Variants in SNAP23 observed in about 807,000 individuals in gnomAD.
SNAP23 encodes synaptosome associated protein 23.
In SNAP23, 11 loss-of-function variants were observed where a neutral mutation model predicts 29.0. The observed-to-expected ratio is 0.38, with a 90% confidence interval of 0.24 to 0.63. SNAP23 has a LOEUF of 0.63. Ranked by LOEUF, SNAP23 falls within the 20% of genes least tolerant of loss-of-function variation. The pLI is 0.58. For missense variants in SNAP23, 220 were observed against 253.9 expected (o/e 0.87, Z 0.91); for synonymous variants, 60 against 82.9 (o/e 0.72, Z 1.50).
At chr15:42,519,703 A>G (rs1305163527) in intron 5 of SNAP23, among the ~76,000 whole-genome samples, 3 of 152,156 alleles carry the variant, frequency 2.0e-5, no homozygotes, top group African/African-American at 7.2e-5. Context: ...AGTTCTCACT[A>G]TGTTGCTCAG....
intron 1 of SNAP23, among the ~76,000 whole-genome samples, chr15:42,501,788 T>C: frequency 6.6e-6 from 1 of 152,150 alleles, no homozygotes; most frequent in Non-Finnish European, 1.5e-5. Flanking sequence ...CAGGCACTGC[T>C]CTAAATACTG....
chr15:42,493,021 G>A (rs140418460), upstream of SNAP23: 38 of 152,234 alleles, frequency 2.5e-4, no homozygotes, highest in African/African-American at 8.9e-4. Context: ...ATACTTTTTT[G>A]TCAGGGGTAT....
At chr15:42,492,356 T>A (rs2057174932), upstream of SNAP23, among the ~76,000 whole-genome samples, 1 of 152,144 alleles carries the variant, frequency 6.6e-6, no homozygotes, top group Non-Finnish European at 1.5e-5. Flanking sequence ...ATAACATCTC[T>A]GTTTAACAAG....
chr15:42,495,752 A>T (rs1174772372), intron 1 of SNAP23, 39 bp downstream of exon 1: 2 of 152,640 alleles, frequency 1.3e-5, no homozygotes, highest in Non-Finnish European at 2.9e-5. Flanking sequence ...GCTGGCCGGG[A>T]TGAAGTCTGA....
intron 1 of SNAP23, among the ~76,000 whole-genome samples, chr15:42,504,611 T>C (rs2057302770): frequency 6.6e-6 from 1 of 152,324 alleles, no homozygotes; most frequent in East Asian, 1.9e-4. Flanking sequence ...ACACCGGCCA[T>C]GTGCAAGGCA....
chr15:42,491,619 GATA>G (rs1177946850), upstream of SNAP23: 1 of 152,228 alleles, frequency 6.6e-6, no homozygotes, highest in Non-Finnish European at 1.5e-5. Context: ...TTAAAATTAG[GATA>G]ATGTTATCTC....
intron 5 of SNAP23, among the ~76,000 whole-genome samples, chr15:42,517,985 T>C (rs2057411138): frequency 6.6e-6 from 1 of 151,974 alleles, no homozygotes; most frequent in Non-Finnish European, 1.5e-5. Context: ...AGCACTGGGA[T>C]TACAGGCTTA....
At chr15:42,502,498 A>G (rs1367343257) in intron 1 of SNAP23, among the ~76,000 whole-genome samples, 2 of 152,122 alleles carry the variant, frequency 1.3e-5, no homozygotes, top group African/African-American at 4.8e-5. Context: ...TGGGCAACAT[A>G]GTGAGCCACC....
intron 1 of SNAP23, among the ~76,000 whole-genome samples, chr15:42,506,910 C>G (rs188861439): frequency 9.2e-4 from 140 of 152,046 alleles, no homozygotes; most frequent in African/African-American, 3.3e-3. Context: ...CCTCTGCCTC[C>G]CAGGTTCAAG....
chr15:42,495,270 A>G (rs2057206881), upstream of SNAP23: 1 of 152,118 alleles, frequency 6.6e-6, no homozygotes, highest in African/African-American at 2.4e-5. Context: ...AGGCGCCTCA[A>G]ATTTTCTATG....
chr15:42,529,511 T>G (rs1722954799), intron 6 of SNAP23, among the ~76,000 whole-genome samples, 164 bp from the exon 7 acceptor site: 1 of 152,214 alleles, frequency 6.6e-6, no homozygotes, highest in African/African-American at 2.4e-5. Flanking sequence ...TTGATGAGTC[T>G]CCCAGTTTTT....
At chr15:42,529,596 CT>C (rs1432545484) in intron 6 of SNAP23, 78 bp from the exon 7 acceptor site, 21 of 1,462,432 alleles carry the variant, frequency 1.4e-5, no homozygotes, top group Non-Finnish European at 1.8e-5. Flanking sequence ...ATTTTGGTTA[CT>C]TACTTTTGTG....
chr15:42,494,812 C>T (rs1335247763), upstream of SNAP23, among the ~76,000 whole-genome samples: 2 of 152,116 alleles, frequency 1.3e-5, no homozygotes, highest in African/African-American at 4.8e-5. Flanking sequence ...AGCCACTGTG[C>T]CTGGTGAAGC....
chr15:42,517,770 G>A (rs527943518), intron 5 of SNAP23, among the ~76,000 whole-genome samples: 17 of 152,236 alleles, frequency 1.1e-4, no homozygotes, highest in African/African-American at 4.1e-4. Flanking sequence ...GAATGCAGTG[G>A]TGCCACCATA....
chr15:42,499,889 A>G (rs1292264232), intron 1 of SNAP23, among the ~76,000 whole-genome samples: 2 of 152,142 alleles, frequency 1.3e-5, no homozygotes, highest in Non-Finnish European at 2.9e-5. Flanking sequence ...CATGCCTGTA[A>G]TTCCAGCACT....
chr15:42,525,391 G>A (rs1211833932), intron 5 of SNAP23, among the ~76,000 whole-genome samples: 31 of 130,192 alleles, frequency 2.4e-4, no homozygotes, highest in African/African-American at 8.7e-4. Flanking sequence ...AAAATTCAAA[G>A]TCAGCTTTTT....
chr15:42,524,671 A>C (rs2057481277), intron 5 of SNAP23, among the ~76,000 whole-genome samples: 1 of 152,206 alleles, frequency 6.6e-6, no homozygotes, highest in Non-Finnish European at 1.5e-5. Context: ...CCCAGTGCCA[A>C]AAAGGTTGGG....
intron 5 of SNAP23, among the ~76,000 whole-genome samples, chr15:42,525,335 T>A (rs1158195191): frequency 7.6e-6 from 1 of 130,918 alleles, no homozygotes; most frequent in South Asian, 2.8e-4. Context: ...GCCACTGCAC[T>A]CCAGCCTGGG....
intron 1 of SNAP23, among the ~76,000 whole-genome samples, chr15:42,511,340 T>G (rs2057356734): frequency 6.6e-6 from 1 of 152,218 alleles, no homozygotes; most frequent in Admixed American, 6.5e-5. Flanking sequence ...TGAAAGTATT[T>G]TCTCCAGTGA....
Sources: gnomAD v4.1 joint callset for allele counts (sites outside exome capture counted in the v4.1 genomes callset) on GRCh38, gnomAD v4.1.1 for gene constraint, MANE v1.5 for transcripts, NCBI Gene and HGNC (gene_info 2026-07-23, HGNC 2026-07-21) for gene names.